The following SLC4A4 variants were observed in gnomAD, a reference collection of about 807,000 sequenced individuals.
SLC4A4 encodes solute carrier family 4 member 4.
A neutral mutation model predicts 111.5 loss-of-function variants in SLC4A4; 27 were observed. The observed-to-expected ratio is 0.24, with a 90% CI of 0.18 to 0.33. The LOEUF (loss-of-function observed/expected upper bound fraction) is 0.33, where lower values mean the gene tolerates loss of function less well. SLC4A4 is among the 10% of genes least tolerant of loss of function. The pLI is 1.00. For synonymous variants in SLC4A4, 443 were observed against 463.4 expected (o/e 0.96, Z 0.57); for missense variants, 909 against 1,315.5 (o/e 0.69, Z 4.78).
At chr4:71,122,995 G>A (rs552910066) in intron 2 of SLC4A4, among the ~76,000 whole-genome samples, 2 of 152,260 alleles carry the variant, frequency 1.3e-5, no homozygotes, top group Admixed American at 6.5e-5. Context: ...ATTAATGCCT[G>A]TAAAACAAGA....
chr4:71,301,557 C>T (rs577217504), intron 3 of SLC4A4, among the ~76,000 whole-genome samples: 1 of 152,328 alleles, frequency 6.6e-6, no homozygotes, highest in South Asian at 2.1e-4. Context: ...AGTAGTGTCT[C>T]TACCTGCAGG....
At chr4:71,419,512 T>C (rs1398050728) in intron 7 of SLC4A4, among the ~76,000 whole-genome samples, 2 of 152,226 alleles carry the variant, frequency 1.3e-5, no homozygotes, top group Non-Finnish European at 2.9e-5. Flanking sequence ...GTGCGGGATA[T>C]AATCTCCTGG....
intron 7 of SLC4A4, among the ~76,000 whole-genome samples, chr4:71,410,057 G>A (rs1721227488): frequency 6.6e-6 from 1 of 152,204 alleles, no homozygotes; most frequent in South Asian, 2.1e-4. Flanking sequence ...AAGATGTATG[G>A]AAATGCCTGG....
intron 2 of SLC4A4, among the ~76,000 whole-genome samples, chr4:71,173,462 C>T (rs1745000090): frequency 6.6e-6 from 1 of 152,154 alleles, no homozygotes; most frequent in South Asian, 2.1e-4. Context: ...CTCACTGCAA[C>T]CTCCACCTCC....
intron 2 of SLC4A4, among the ~76,000 whole-genome samples, chr4:71,118,033 C>T (rs1270913207): frequency 2.0e-5 from 3 of 151,936 alleles, no homozygotes; most frequent in South Asian, 2.1e-4. Context: ...TGCGCCACCA[C>T]GCCTGGCTAA....
intron 7 of SLC4A4, among the ~76,000 whole-genome samples, chr4:71,408,408 T>G (rs574777408): frequency 7.0e-4 from 107 of 152,352 alleles, no homozygotes; most frequent in African/African-American, 2.4e-3. Flanking sequence ...TTCATCATCA[T>G]TGCCATTTTC....
intron 2 of SLC4A4, among the ~76,000 whole-genome samples, chr4:71,173,070 GTGCACCCCATAGGAAGGAC>G (rs1744986659): frequency 6.6e-6 from 1 of 152,170 alleles, no homozygotes; most frequent in Non-Finnish European, 1.5e-5. Context: ...TATTTCTACT[GTGCACCCCATAGGAAGGAC>G]TGCAGATAGA....
At chr4:71,117,938 G>A (rs1446328777) in intron 2 of SLC4A4, among the ~76,000 whole-genome samples, 6 of 148,922 alleles carry the variant, frequency 4.0e-5, no homozygotes, top group Non-Finnish European at 4.4e-5. Context: ...GTGTGGTGGT[G>A]CTATCTTGCC....
At chr4:71,403,006 G>T (rs149408170) in intron 7 of SLC4A4, among the ~76,000 whole-genome samples, 2,656 of 152,296 alleles carry the variant, frequency 0.017, 36 homozygotes, top group Non-Finnish European at 0.029. Flanking sequence ...CTGATTTAAA[G>T]AAGGTATGTA....
chr4:71,498,945 TG>T (rs1730659723), intron 16 of SLC4A4, among the ~76,000 whole-genome samples: 1 of 152,184 alleles, frequency 6.6e-6, no homozygotes, highest in African/African-American at 2.4e-5. Context: ...GTCTAAGAAT[TG>T]GCTGTTTCAT....
chr4:71,142,150 A>T (rs891324134), intron 2 of SLC4A4, among the ~76,000 whole-genome samples: 1 of 152,248 alleles, frequency 6.6e-6, no homozygotes, highest in Admixed American at 6.5e-5. Flanking sequence ...CTGCTCTATA[A>T]TTAGACCTAA....
intron 2 of SLC4A4, among the ~76,000 whole-genome samples, chr4:71,133,470 G>T (rs560106264): frequency 1.3e-5 from 2 of 152,336 alleles, no homozygotes; most frequent in East Asian, 3.9e-4. Context: ...GTCAGCCAAG[G>T]GTGCCTTGGT....
At chr4:71,391,801 C>A (rs1261399768) in intron 6 of SLC4A4, among the ~76,000 whole-genome samples, 3 of 151,512 alleles carry the variant, frequency 2.0e-5, no homozygotes. Context: ...ATTTTTACAC[C>A]CTGGATTTTA....
intron 1 of SLC4A4, among the ~76,000 whole-genome samples, chr4:71,076,047 T>C (rs1741807964): frequency 6.6e-6 from 1 of 152,062 alleles, no homozygotes. Flanking sequence ...CTTACCTATC[T>C]TACCCTACTT....
chr4:71,079,599 G>A (rs1161928317), intron 1 of SLC4A4, among the ~76,000 whole-genome samples: 4 of 151,934 alleles, frequency 2.6e-5, no homozygotes, highest in Non-Finnish European at 5.9e-5. Flanking sequence ...AACATAGCAA[G>A]ACCCTATCTC....
At chr4:71,329,068 A>G (rs1727733743) in intron 3 of SLC4A4, among the ~76,000 whole-genome samples, 1 of 152,148 alleles carries the variant, frequency 6.6e-6, no homozygotes, top group Non-Finnish European at 1.5e-5. Flanking sequence ...CATTTATCGA[A>G]GAAACTGTTT....
At chr4:71,422,251 T>C (rs1722595679) in intron 7 of SLC4A4, among the ~76,000 whole-genome samples, 3 of 143,220 alleles carry the variant, frequency 2.1e-5, no homozygotes, top group African/African-American at 5.3e-5. Flanking sequence ...AATGGATAAA[T>C]TCCTCGACAC....
At chr4:71,331,303 T>A (rs1336807058) in intron 3 of SLC4A4, among the ~76,000 whole-genome samples, 1 of 152,226 alleles carries the variant, frequency 6.6e-6, no homozygotes, top group Admixed American at 6.5e-5. Context: ...GCGGCACTAT[T>A]CGTAATAGCA....
intron 1 of SLC4A4, among the ~76,000 whole-genome samples, chr4:71,085,716 A>G (rs1368148618): frequency 6.6e-6 from 1 of 152,014 alleles, no homozygotes; most frequent in Non-Finnish European, 1.5e-5. Context: ...AGATAGTTGT[A>G]GATTTGCGGC....
Sources: allele counts gnomAD v4.1 joint callset (sites outside exome capture counted in the v4.1 genomes callset), GRCh38; gene constraint gnomAD v4.1.1; transcripts MANE v1.5; gene names NCBI Gene and HGNC (gene_info 2026-07-23, HGNC 2026-07-21).